PITPNA: variants seen among roughly 807,000 people sequenced by gnomAD.
PITPNA encodes phosphatidylinositol transfer protein alpha isoform.
In PITPNA, 13 loss-of-function variants were observed where a neutral mutation model predicts 50.3. The observed-to-expected ratio is 0.26, with a 90% CI of 0.17 to 0.41. The LOEUF (loss-of-function observed/expected upper bound fraction) is 0.41, where lower values mean the gene tolerates loss of function less well. PITPNA is among the 10% of genes least tolerant of loss of function. PITPNA has a pLI of 1.00. For missense variants in PITPNA, 207 were observed against 333.4 expected, an observed-to-expected ratio of 0.62 and a Z score of 2.95; for synonymous variants, 120 against 119.6, an observed-to-expected ratio of 1.00 and a Z score of -0.02.
intron 2 of PITPNA, among the ~76,000 whole-genome samples, chr17:1,554,117 G>A (rs1291019740): frequency 1.3e-5 from 2 of 152,126 alleles, no homozygotes; most frequent in Non-Finnish European, 2.9e-5. Flanking sequence ...TAGCCCTTCC[G>A]CCTTCTTCTC....
Position 1,549,300 on chromosome 17 carries a change from G to A in PITPNA, c.198-913C>T, listed in dbSNP as rs78143695. Among the ~76,000 whole-genome samples the A allele has an allele frequency of 4.0e-4, 59 of 148,500 alleles. 1 individual carries two copies. In the East Asian group the frequency reaches 0.01, roughly 25 times the overall value. ...TTTTTTGGTAGGTGTGTGGTTTGACGGAGTAGGAAAACATTTAGAATTTTT... is the reference window on the plus strand; with the variant it reads ...TTTTTTGGTAGGTGTGTGGTTTGACAGAGTAGGAAAACATTTAGAATTTTT... On this transcript the variant is annotated intron_variant, in intron 3 of 11. Coordinates refer to ENST00000313486, the MANE Select transcript of PITPNA (RefSeq NM_006224.4).
At chr17:1,558,168 T>C (rs1598415036) in intron 2 of PITPNA, among the ~76,000 whole-genome samples, 1 of 147,492 alleles carries the variant, frequency 6.8e-6, no homozygotes, top group Non-Finnish European at 1.5e-5. Flanking sequence ...GAGGCAGAGG[T>C]TGCAGTGAGC....
At chr17:1,553,802 C>A (rs540102103) in intron 2 of PITPNA, among the ~76,000 whole-genome samples, 1 of 152,316 alleles carries the variant, frequency 6.6e-6, no homozygotes, top group African/African-American at 2.4e-5. Flanking sequence ...CTACTCGCTT[C>A]TTCTCTAGTC....
intron 4 of PITPNA, among the ~76,000 whole-genome samples, chr17:1,546,076 C>T (rs897514976): frequency 1.7e-4 from 26 of 151,806 alleles, no homozygotes; most frequent in Non-Finnish European, 2.5e-4. Context: ...TACAGGCATG[C>T]ACCACCATGC....
chr17:1,531,615 C>T (rs1421543500), intron 10 of PITPNA, among the ~76,000 whole-genome samples: 1 of 151,494 alleles, frequency 6.6e-6, no homozygotes, highest in Non-Finnish European at 1.5e-5. Flanking sequence ...CATGCCACTG[C>T]ACGACGCCAA....
intron 11 of PITPNA, among the ~76,000 whole-genome samples, chr17:1,521,348 A>AC (rs139540950): frequency 0.19 from 28,028 of 151,220 alleles, 2,678 homozygotes; most frequent in Non-Finnish European, 0.2. Flanking sequence ...TATATCCACC[A>AC]CCCCCTCCCT....
At position 1,548,680 on chromosome 17, in the gene PITPNA, A is replaced by G. The variant is rs543530952; in HGVS notation, c.198-293T>C. On this transcript the variant is annotated intron_variant, in intron 3 of 11. Coordinates refer to ENST00000313486, the MANE Select transcript of PITPNA (RefSeq NM_006224.4). ...CCATCAGCATTACACATTTTTCCAG[A>G]GCTTGCTGGGCCCAGGGCATTATAC... Among the ~76,000 whole-genome samples the G allele has an allele frequency of 1.5e-3, 222 of 152,170 alleles. 1 individual carries two copies. Among genetic ancestry groups the G allele is most frequent in the African/African-American group, 4.8e-3 (198 of 41,522 alleles).
intron 4 of PITPNA, among the ~76,000 whole-genome samples, chr17:1,545,149 C>G (rs975301645): frequency 6.6e-6 from 1 of 152,182 alleles, no homozygotes; most frequent in Admixed American, 6.5e-5. Flanking sequence ...CTATCTTACC[C>G]TCTCCTCACT....
chr17:1,556,570 C>T (rs760300651), intron 2 of PITPNA, among the ~76,000 whole-genome samples: 13 of 152,152 alleles, frequency 8.5e-5, no homozygotes, highest in African/African-American at 2.2e-4. Flanking sequence ...GAGACACTCT[C>T]GCCCTTCGTT....
At chr17:1,555,965 G>A (rs562864376) in intron 2 of PITPNA, among the ~76,000 whole-genome samples, 2 of 152,314 alleles carry the variant, frequency 1.3e-5, no homozygotes, top group African/African-American at 4.8e-5. Context: ...ACAAAGGCAT[G>A]ACCTTCTCTT....
intron 1 of PITPNA, among the ~76,000 whole-genome samples, chr17:1,561,690 T>C (rs1224345467): frequency 6.6e-6 from 1 of 152,176 alleles, no homozygotes; most frequent in African/African-American, 2.4e-5. Flanking sequence ...CACCAGCTGC[T>C]TGGGCACCAC....
chr17:1,559,531 A>G (rs149265528), intron 1 of PITPNA: 2 of 152,700 alleles, frequency 1.3e-5, no homozygotes, highest in East Asian at 3.9e-4. Flanking sequence ...GCCAGTTTCC[A>G]AGCTTAGACG....
rs571221469 is a variant in PITPNA at position 1,546,097 on chromosome 17, T to C, written c.289+2199A>G. On this transcript the variant is annotated intron_variant, in intron 4 of 11. Coordinates refer to ENST00000313486, the MANE Select transcript of PITPNA (RefSeq NM_006224.4). The stretch of plus-strand genomic sequence containing the variant: ...CATGCACCACCATGCCCGGATAACT[T>C]TTTGTATTTTTAGTAGAAACGGGGT... 7.8e-4 allele frequency among the ~76,000 whole-genome samples: 118 copies of C among 151,564 alleles called. 1 individual carries two copies. Among genetic ancestry groups the C allele is most frequent in the Non-Finnish European group, 1.5e-3 (100 of 67,846 alleles).
intron 3 of PITPNA, among the ~76,000 whole-genome samples, chr17:1,552,115 A>G (rs1193362136): frequency 2.0e-5 from 3 of 152,272 alleles, no homozygotes; most frequent in Non-Finnish European, 4.4e-5. Context: ...ATGAAAGTCA[A>G]TTGATTTCAG....
intron 7 of PITPNA, 75 bp from the exon 8 acceptor site, chr17:1,535,593 T>C (rs1021563207): frequency 6.8e-6 from 6 of 887,606 alleles, no homozygotes; most frequent in African/African-American, 6.5e-5. Context: ...AGATCTTTCA[T>C]TAGCATTCAC....
chr17:1,539,910 T>C (rs554324790), intron 6 of PITPNA, among the ~76,000 whole-genome samples: 3 of 152,364 alleles, frequency 2.0e-5, no homozygotes, highest in Admixed American at 2.0e-4. Context: ...CTAATTTTTG[T>C]ATTTTTAGTA....
chr17:1,524,339 T>C (rs1032889977), intron 10 of PITPNA, among the ~76,000 whole-genome samples: 31 of 144,814 alleles, frequency 2.1e-4, no homozygotes, highest in East Asian at 8.0e-4. Flanking sequence ...CCATCGCACC[T>C]GGCCTTTTTT....
rs181768367 is a variant in PITPNA, at chr17:1,520,395, A to G, written c.*166T>C. ...ACACCAGACGGTCTATTTGTTCACAATACTGAAGGGCATCTAGAATTAGCT... is the reference window on the plus strand; with the variant it reads ...ACACCAGACGGTCTATTTGTTCACAGTACTGAAGGGCATCTAGAATTAGCT... On this transcript the variant is annotated 3_prime_UTR_variant, in exon 12 of 12. Transcript: ENST00000313486. 2.6e-5 allele frequency: 4 copies of G among 152,770 alleles called. No homozygotes were observed. Among genetic ancestry groups the G allele is most frequent in the Admixed American group, 2.6e-4 (4 of 15,300 alleles). 9.5% of individuals were successfully genotyped at this position (152,770 alleles called of 1,614,324 possible).
At chr17:1,538,490 A>G (rs544683919) in intron 7 of PITPNA, 5 of 168,150 alleles carry the variant, frequency 3.0e-5, no homozygotes, top group Non-Finnish European at 6.4e-5. Flanking sequence ...AGATCCTGAC[A>G]ATATTCCACA....
Sources: allele counts gnomAD v4.1 joint callset (sites outside exome capture counted in the v4.1 genomes callset), GRCh38; gene constraint gnomAD v4.1.1; transcripts MANE v1.5; gene names NCBI Gene and HGNC (gene_info 2026-07-23, HGNC 2026-07-21).